The following SLCO3A1 variants were observed in gnomAD, a reference collection of about 807,000 sequenced individuals.
SLCO3A1 encodes PGE1 transporter.
SLCO3A1 carries 27 observed loss-of-function variants against 63.1 expected under a neutral mutation model. The observed-to-expected ratio is 0.43, with a 90% CI of 0.32 to 0.59. The LOEUF is 0.59. SLCO3A1 is among the 20% of genes least tolerant of loss of function. The probability of loss-of-function intolerance (pLI) is 0.09; values close to 1 mark genes in which losing one functional copy is unlikely to be tolerated. For synonymous variants in SLCO3A1, 473 were observed against 409.9 expected (o/e 1.15, Z -1.86); for missense variants, 773 against 945.8 (o/e 0.82, Z 2.40).
At chr15:92,019,428 T>C (rs2046479489) in intron 2 of SLCO3A1, among the ~76,000 whole-genome samples, 1 of 152,194 alleles carries the variant, frequency 6.6e-6, no homozygotes, top group Admixed American at 6.5e-5. Flanking sequence ...ATTACTTTCT[T>C]CCCCTTCACC....
chr15:92,163,504 C>T lies in SLCO3A1; in HGVS notation c.*369C>T. 1.0e-6 allele frequency: 1 copy of T among 998,728 alleles called. No individual in the cohort carries two copies. Among genetic ancestry groups the T allele is most frequent in the Non-Finnish European group, 1.2e-6 (1 of 839,814 alleles). 61.9% of individuals were successfully genotyped at this position (998,728 alleles called of 1,614,324 possible). A position where few individuals can be genotyped will look rare whatever the true frequency, so the allele number is the denominator to read the frequency against. ...ATGGACATTTCTGGATACACATACA[C>T]ATACAAAACAGAAAACATTTTTTAA... On this transcript the variant is annotated 3_prime_UTR_variant, in exon 10 of 10. Coordinates refer to ENST00000318445, the MANE Select transcript of SLCO3A1 (RefSeq NM_013272.4).
At position 91,862,455 on chromosome 15, in the gene SLCO3A1, G is replaced by A. The variant is rs1897071216; in HGVS notation, c.180+8367G>A. On this transcript the variant is annotated intron_variant, in intron 1 of 9. Coordinates refer to ENST00000318445, the MANE Select transcript of SLCO3A1 (RefSeq NM_013272.4). This position sits in a 1 kb window ranked among gnomAD's most constrained non-coding sequence, Gnocchi z 4.0. ...AAAATCTTTGCCCTCTGAAAATTCT[G>A]GGAACAGGCTGTGCCCATAAACCCA... 6.6e-6 allele frequency among the ~76,000 whole-genome samples: 1 copy of A among 152,116 alleles called. No homozygotes were observed. The highest frequency in any genetic ancestry group is 2.4e-5 in the African/African-American group (1 of 41,420).
At chr15:92,037,172 A>G (rs764572611) in intron 2 of SLCO3A1, among the ~76,000 whole-genome samples, 1 of 152,160 alleles carries the variant, frequency 6.6e-6, no homozygotes, top group Non-Finnish European at 1.5e-5. Context: ...CTTGCTTACA[A>G]CCATCATCTT....
chr15:91,943,510 C>T (rs1899693887), intron 2 of SLCO3A1, among the ~76,000 whole-genome samples: 1 of 152,170 alleles, frequency 6.6e-6, no homozygotes, highest in Non-Finnish European at 1.5e-5. Context: ...ATTGCTTGCA[C>T]CTATGGCTGC....
At position 91,883,014 on chromosome 15, in the gene SLCO3A1, A is replaced by G. The variant is rs1313728259; in HGVS notation, c.180+28926A>G. On this transcript the variant is annotated intron_variant, in intron 1 of 9. Coordinates refer to ENST00000318445, the MANE Select transcript of SLCO3A1 (RefSeq NM_013272.4). The surrounding 1 kb of genome is among the most constrained non-coding windows in gnomAD (Gnocchi z 4.8). Reference sequence around the variant, plus strand: ...AATGACAGATGGGACAGCAGCCACCATGCAAGCCAGGCAGGCGCCATCCAC... The same window carrying G: ...AATGACAGATGGGACAGCAGCCACCGTGCAAGCCAGGCAGGCGCCATCCAC... Among the ~76,000 whole-genome samples, 2 of 152,226 alleles carry G rather than the reference A, an allele frequency of 1.3e-5. No individual in the cohort carries two copies.
At position 91,894,864 on chromosome 15, in the gene SLCO3A1, A is replaced by C. The variant is rs186159221; in HGVS notation, c.181-21129A>C. Among the ~76,000 whole-genome samples, 1 of 152,194 alleles carries C rather than the reference A, an allele frequency of 6.6e-6. No homozygotes were observed. Among genetic ancestry groups the C allele is most frequent in the Non-Finnish European group, 1.5e-5 (1 of 68,018 alleles). On this transcript the variant is annotated intron_variant, in intron 1 of 9. Transcript: ENST00000318445. The surrounding 1 kb of genome is among the most constrained non-coding windows in gnomAD (Gnocchi z 4.8). ...CAGTGAAACCCCCGGAGGGACAGGG[A>C]GTGCGTAGAAGCAGGTTGTAGCTCG...
At chr15:91,964,646 A>G (rs1231211623) in intron 2 of SLCO3A1, among the ~76,000 whole-genome samples, 1 of 152,158 alleles carries the variant, frequency 6.6e-6, no homozygotes, top group African/African-American at 2.4e-5. Flanking sequence ...CTCATTGGCC[A>G]CAGCTCCGTC....
rs543067893 is a variant in SLCO3A1, at chr15:92,164,894, T to C, written c.*1759T>C. On this transcript the variant is annotated 3_prime_UTR_variant, in exon 10 of 10. Coordinates refer to ENST00000318445, the MANE Select transcript of SLCO3A1 (RefSeq NM_013272.4). ...ATACACACACAACAAAGGGCCCTGCTAACTTACTCCTCATGCTGCTTCAGT... is the reference window on the plus strand; with the variant it reads ...ATACACACACAACAAAGGGCCCTGCCAACTTACTCCTCATGCTGCTTCAGT... 1.0e-6 allele frequency: 1 copy of C among 985,434 alleles called. No homozygotes were observed. The highest frequency in any genetic ancestry group is 1.1e-4 in the East Asian group (1 of 8,818). The allele number at this position is 985,434 out of a possible 1,614,324, so 61.0% of individuals were successfully genotyped here. A position where few individuals can be genotyped will look rare whatever the true frequency, so the allele number is the denominator to read the frequency against.
intron 8 of SLCO3A1, chr15:92,148,708 T>C (rs2048263418): frequency 6.6e-6 from 1 of 152,166 alleles, no homozygotes; most frequent in African/African-American, 2.4e-5. Flanking sequence ...TTGCCATTTA[T>C]CTTAAAAAAG....
intron 10 of SLCO3A1, chr15:92,171,687 T>A (rs1206253527): frequency 2.2e-6 from 2 of 893,964 alleles, no homozygotes; most frequent in East Asian, 2.6e-5. Flanking sequence ...TGCAAAGCCA[T>A]CATGCTATTA....
chr15:91,923,197 G>A (rs1462689925), intron 2 of SLCO3A1, among the ~76,000 whole-genome samples: 1 of 152,170 alleles, frequency 6.6e-6, no homozygotes, highest in Non-Finnish European at 1.5e-5. Context: ...TCCTGTACAC[G>A]GTGGGGATCA....
chr15:92,141,218 C>T (rs1250300257), intron 7 of SLCO3A1, among the ~76,000 whole-genome samples: 1 of 152,196 alleles, frequency 6.6e-6, no homozygotes, highest in African/African-American at 2.4e-5. Context: ...CATTTCTTCC[C>T]AGAGAATGGC....
intron 1 of SLCO3A1, among the ~76,000 whole-genome samples, chr15:91,911,938 T>A (rs1206954356): frequency 6.6e-6 from 1 of 152,162 alleles, no homozygotes; most frequent in Non-Finnish European, 1.5e-5. Flanking sequence ...ACATCTATAT[T>A]TTTAACAATT....
intron 2 of SLCO3A1, among the ~76,000 whole-genome samples, chr15:92,091,617 G>A (rs889442474): frequency 1.3e-5 from 2 of 152,168 alleles, no homozygotes; most frequent in Middle Eastern, 3.2e-3. Flanking sequence ...CCCGATGCAC[G>A]AAGGCCCCTC....
intron 2 of SLCO3A1, among the ~76,000 whole-genome samples, chr15:91,981,350 C>T (rs2045982894): frequency 1.3e-5 from 2 of 152,292 alleles, no homozygotes; most frequent in South Asian, 4.1e-4. Context: ...AAAGTGTAAA[C>T]TCGTCCTGTG....
Position 91,875,442 on chromosome 15 carries a change from C to T in SLCO3A1, c.180+21354C>T, listed in dbSNP as rs1791525900. The stretch of plus-strand genomic sequence containing the variant: ...ACTGGACTCTGGAGCAAGAGACTGC[C>T]TGGATTCCAATCCCAGCTCTGCCCG... On this transcript the variant is annotated intron_variant, in intron 1 of 9. Coordinates refer to ENST00000318445, the MANE Select transcript of SLCO3A1 (RefSeq NM_013272.4). The surrounding 1 kb of genome is among the most constrained non-coding windows in gnomAD (Gnocchi z 4.5). Among the ~76,000 whole-genome samples the T allele has an allele frequency of 6.6e-6, 1 of 152,198 alleles. No homozygotes were observed. The highest frequency in any genetic ancestry group is 6.5e-5 in the Admixed American group (1 of 15,282).
intron 2 of SLCO3A1, among the ~76,000 whole-genome samples, chr15:91,935,284 G>T (rs1403259847): frequency 6.6e-6 from 1 of 152,166 alleles, no homozygotes. Flanking sequence ...AAATAGTAAG[G>T]GTTCAATGGT....
At chr15:92,057,640 G>T (rs1212386019) in intron 2 of SLCO3A1, among the ~76,000 whole-genome samples, 3 of 152,170 alleles carry the variant, frequency 2.0e-5, no homozygotes, top group Admixed American at 2.0e-4. Context: ...CAGACCCAGC[G>T]CTTGAGCCTC....
chr15:91,969,957 G>A (rs545846090), intron 2 of SLCO3A1, among the ~76,000 whole-genome samples: 25 of 152,306 alleles, frequency 1.6e-4, no homozygotes, highest in African/African-American at 5.3e-4. Flanking sequence ...CTAGTTCTGT[G>A]TGTGTCAAAA....
Sources: allele counts gnomAD v4.1 joint callset (sites outside exome capture counted in the v4.1 genomes callset), GRCh38; gene constraint gnomAD v4.1.1; non-coding constraint Gnocchi (gnomAD v3.1); transcripts MANE v1.5; gene names NCBI Gene and HGNC (gene_info 2026-07-23, HGNC 2026-07-21).